The following LRRC28 variants were observed in gnomAD, a reference collection of about 807,000 sequenced individuals.
The protein encoded by LRRC28 is leucine rich repeat containing 28.
Under a neutral mutation model 45.7 loss-of-function variants are expected in LRRC28, and 39 were observed. The ratio of observed to expected loss-of-function variants is 0.85; its 90% CI spans 0.66 to 1.12. The LOEUF (loss-of-function observed/expected upper bound fraction) is 1.12, where lower values mean the gene tolerates loss of function less well. LRRC28 is among the 50% of genes most tolerant of loss of function. The probability of loss-of-function intolerance (pLI) is 0.00; values close to 1 mark genes in which losing one functional copy is unlikely to be tolerated. For missense variants in LRRC28, 435 were observed against 438.5 expected, an observed-to-expected ratio of 0.99 and a Z score of 0.07; for synonymous variants, 206 against 178.8, an observed-to-expected ratio of 1.15 and a Z score of -1.22.
intron 5 of LRRC28, among the ~76,000 whole-genome samples, chr15:99,293,394 G>T (rs1450810067): frequency 6.6e-6 from 1 of 151,798 alleles, no homozygotes; most frequent in Non-Finnish European, 1.5e-5. Flanking sequence ...GGGAGTTCAA[G>T]ACTAGCCTGA....
Position 99,361,305 on chromosome 15 carries a change from A to G in LRRC28, c.696-31A>G, listed in dbSNP as rs373716737. ...CACCCATATTCTTTTCCTTATTGCT[A>G]ATAATACTGTGAATGTGTGTCTTTC... On this transcript the variant is annotated intron_variant, in intron 7 of 9. Coordinates refer to ENST00000301981, the MANE Select transcript of LRRC28 (RefSeq NM_144598.5). The G allele has an allele frequency of 1.7e-5, 27 of 1,590,482 alleles. No individual in the cohort carries two copies. In the African/African-American group the frequency reaches 2.7e-4, roughly 16 times the overall value.
rs531719283 is a variant in LRRC28, at chr15:99,307,959, A to G, written c.385+20008A>G. On this transcript the variant is annotated intron_variant, in intron 5 of 9. Transcript: ENST00000301981. Reference sequence around the variant, plus strand: ...TTAAAAGAATGACTCAGATAACTGTAAAGAGGGGCCAGTGATGAAAACTTA... The same window carrying G: ...TTAAAAGAATGACTCAGATAACTGTGAAGAGGGGCCAGTGATGAAAACTTA... Among the ~76,000 whole-genome samples the G allele has an allele frequency of 1.8e-4, 28 of 152,302 alleles. No individual in the cohort carries two copies. The East Asian group carries it at 5.4e-3, about 29-fold the overall frequency.
In LRRC28 at chr15:99,255,195, G is replaced by A. The variant is rs142575560; in HGVS notation, c.-60-703G>A. Among the ~76,000 whole-genome samples, 347 of 151,380 alleles carry A rather than the reference G, an allele frequency of 2.3e-3. 1 individual carries two copies. Among genetic ancestry groups the A allele is most frequent in the African/African-American group, 8.0e-3 (329 of 41,220 alleles). ...AACACAGTGAGACCCCCATCTCTAC[G>A]AACAAGTAAAACAATTAGCTGAGTG... On this transcript the variant is annotated intron_variant, in intron 1 of 9. Transcript: ENST00000301981.
intron 5 of LRRC28, among the ~76,000 whole-genome samples, chr15:99,325,704 G>A (rs1397933592): frequency 6.6e-6 from 1 of 152,174 alleles, no homozygotes; most frequent in Non-Finnish European, 1.5e-5. Flanking sequence ...ATGAACATGT[G>A]TATTACATTG....
chr15:99,310,564 T>C (rs1215229713), intron 5 of LRRC28, among the ~76,000 whole-genome samples: 2 of 152,212 alleles, frequency 1.3e-5, no homozygotes, highest in South Asian at 2.1e-4. Context: ...CTCCTTATAA[T>C]GTAATCATGC....
chr15:99,347,842 T>C (rs1956744233), intron 6 of LRRC28, among the ~76,000 whole-genome samples: 1 of 152,184 alleles, frequency 6.6e-6, no homozygotes, highest in South Asian at 2.1e-4. Flanking sequence ...TTAATTTCTT[T>C]AGGAACCTCC....
chr15:99,379,076 CT>C (rs1957735680), intron 9 of LRRC28, among the ~76,000 whole-genome samples: 1 of 151,866 alleles, frequency 6.6e-6, no homozygotes, highest in Admixed American at 6.6e-5. Context: ...GGAGGATTCC[CT>C]TTTTCTGTTG....
chr15:99,368,205 T>A (rs1957392216), intron 9 of LRRC28, among the ~76,000 whole-genome samples: 1 of 152,136 alleles, frequency 6.6e-6, no homozygotes, highest in Non-Finnish European at 1.5e-5. Flanking sequence ...CAAAATCTCA[T>A]CTTAAATATC....
At position 99,334,030 on chromosome 15, in the gene LRRC28, G is replaced by A. The variant is rs1318788819; in HGVS notation, c.493G>A (p.Asp165Asn). Residue 165 changes from aspartate to asparagine, a missense_variant, in exon 6 of 10, where the codon GAC (aspartate) becomes AAC (asparagine). Physicochemically the swap from Asp to Asn is conservative, Grantham distance 23. Coordinates refer to ENST00000301981, the MANE Select transcript of LRRC28 (RefSeq NM_144598.5). ...MCLSLQYLTV[D>N]RNRLWYVPRH... ...CCTTTCTCTGCAGTACCTCACTGTGGACCGAAATCGTCTATGGTATGTGCC... is the reference window on the plus strand; with the variant it reads ...CCTTTCTCTGCAGTACCTCACTGTGAACCGAAATCGTCTATGGTATGTGCC... The A allele has an allele frequency of 3.1e-6, 5 of 1,614,082 alleles. No individual in the cohort carries two copies. Among genetic ancestry groups the A allele is most frequent in the South Asian group, 1.1e-5 (1 of 91,084 alleles).
intron 5 of LRRC28, among the ~76,000 whole-genome samples, chr15:99,325,489 G>A (rs965760928): frequency 1.3e-5 from 2 of 152,140 alleles, no homozygotes; most frequent in African/African-American, 4.8e-5. Context: ...GAAACACTCA[G>A]CCTCCTTGCC....
chr15:99,314,973 A>G (rs1374988798), intron 5 of LRRC28, among the ~76,000 whole-genome samples: 5 of 152,238 alleles, frequency 3.3e-5, no homozygotes, highest in Non-Finnish European at 7.3e-5. Flanking sequence ...TAAGATGTAT[A>G]TACAACTTTA....
At chr15:99,363,003 C>A in intron 8 of LRRC28, 103 bp from the exon 9 acceptor site, 1 of 1,285,456 alleles carries the variant, frequency 7.8e-7, no homozygotes, top group Non-Finnish European at 1.1e-6. Flanking sequence ...ACATGAAGTA[C>A]TTTTAAGTAA....
chr15:99,259,902 A>G (rs111375923), intron 2 of LRRC28: 1 of 729,802 alleles, frequency 1.4e-6, no homozygotes. Context: ...CCCGACGAAG[A>G]ACCTGAGGAG....
intron 8 of LRRC28, 131 bp downstream of exon 8, chr15:99,361,642 AT>A: frequency 2.4e-6 from 2 of 834,796 alleles, no homozygotes; most frequent in Non-Finnish European, 3.7e-6. Flanking sequence ...GAAAGTAACC[AT>A]TTTATCCATC....
intron 2 of LRRC28, chr15:99,259,782 A>G: frequency 1.7e-6 from 2 of 1,171,644 alleles, no homozygotes; most frequent in South Asian, 2.4e-5. Context: ...ACAGCAATGC[A>G]GCAGTGATTC....
At chr15:99,377,602 C>T (rs1331101879) in intron 9 of LRRC28, among the ~76,000 whole-genome samples, 1 of 152,152 alleles carries the variant, frequency 6.6e-6, no homozygotes, top group African/African-American at 2.4e-5. Context: ...GTGTTTTAGA[C>T]ATGAAGTCCT....
Position 99,315,982 on chromosome 15 carries a change from G to T in LRRC28, c.386-17941G>T, listed in dbSNP as rs146307715. Among the ~76,000 whole-genome samples the T allele has an allele frequency of 1.1e-4, 17 of 152,204 alleles. No individual in the cohort carries two copies. The East Asian group carries it at 2.3e-3, about 21-fold the overall frequency. The stretch of plus-strand genomic sequence containing the variant: ...AATTCTTATTTTAAATTATGAATTC[G>T]TAACAAAAAGCATCATACATTTTAA... On this transcript the variant is annotated intron_variant, in intron 5 of 9. Transcript: ENST00000301981.
chr15:99,286,947 G>T (rs527409923), intron 3 of LRRC28: 1 of 209,066 alleles, frequency 4.8e-6, no homozygotes, highest in Admixed American at 5.9e-5. Context: ...AAAATGAACT[G>T]GAAAAACTAG....
chr15:99,253,629 T>C (rs185706820), intron 1 of LRRC28, among the ~76,000 whole-genome samples: 2 of 152,328 alleles, frequency 1.3e-5, no homozygotes, highest in African/African-American at 2.4e-5. Context: ...GTTGATTTTC[T>C]AAGTAAGAAG....
Sources: allele counts gnomAD v4.1 joint callset (sites outside exome capture counted in the v4.1 genomes callset), GRCh38; gene constraint gnomAD v4.1.1; transcripts MANE v1.5; gene names NCBI Gene and HGNC (gene_info 2026-07-23, HGNC 2026-07-21).